The following SLC24A2 variants were observed in gnomAD, a reference collection of about 807,000 sequenced individuals.
The protein encoded by SLC24A2 is sodium/potassium/calcium exchanger 2.
In SLC24A2, 36 loss-of-function variants were observed where a neutral mutation model predicts 62.0. The observed-to-expected ratio is 0.58, with a 90% CI of 0.44 to 0.77. The LOEUF (loss-of-function observed/expected upper bound fraction) is 0.77. Ranked by LOEUF, SLC24A2 falls within the 30% of genes least tolerant of loss-of-function variation. The pLI is 0.00. For missense variants in SLC24A2, 846 were observed against 817.9 expected, an observed-to-expected ratio of 1.03 and a Z score of -0.42; for synonymous variants, 358 against 294.0, an observed-to-expected ratio of 1.22 and a Z score of -2.23.
chr9:19,965,069 G>T, the SLC24A2 span, among the ~76,000 whole-genome samples: 1 of 135,330 alleles, frequency 7.4e-6, no homozygotes. Flanking sequence ...GTGTAAGCCA[G>T]TTCCCTGTGA....
chr9:20,234,663 T>C, the SLC24A2 span, among the ~76,000 whole-genome samples: 1 of 152,198 alleles, frequency 6.6e-6, no homozygotes, highest in Non-Finnish European at 1.5e-5. Flanking sequence ...TTCTTTGCCA[T>C]TGGTTTGAAT....
chr9:19,583,165 C>G (rs926752199), intron 5 of SLC24A2, among the ~76,000 whole-genome samples: 2 of 152,162 alleles, frequency 1.3e-5, no homozygotes, highest in African/African-American at 4.8e-5. Flanking sequence ...TACGCTACCC[C>G]TCTCCTCTCT....
chr9:20,287,991 C>T, the SLC24A2 span, among the ~76,000 whole-genome samples: 2 of 150,906 alleles, frequency 1.3e-5, no homozygotes, highest in African/African-American at 4.9e-5. Context: ...AATTTGATAA[C>T]ACTTTCTCTT....
At chr9:19,707,672 G>A (rs560030743) in intron 2 of SLC24A2, among the ~76,000 whole-genome samples, 1 of 152,276 alleles carries the variant, frequency 6.6e-6, no homozygotes, top group Non-Finnish European at 1.5e-5. Context: ...TATCTCAATA[G>A]ATGCAGAAAA....
At chr9:19,982,142 G>C in the SLC24A2 span, among the ~76,000 whole-genome samples, 2 of 152,152 alleles carry the variant, frequency 1.3e-5, no homozygotes, top group Admixed American at 6.5e-5. Context: ...GGTGATACTT[G>C]AGGAAATGTT....
chr9:20,125,981 A>C, the SLC24A2 span, among the ~76,000 whole-genome samples: 2 of 152,132 alleles, frequency 1.3e-5, no homozygotes, highest in Non-Finnish European at 2.9e-5. Flanking sequence ...GCTAGTCAAG[A>C]CTGTTTTTCC....
At chr9:20,047,653 CGCCT>C in the SLC24A2 span, among the ~76,000 whole-genome samples, 1 of 143,528 alleles carries the variant, frequency 7.0e-6, no homozygotes, top group Non-Finnish European at 1.6e-5. Context: ...CATGGAGGGC[CGCCT>C]TCTCATTGTA....
At chr9:19,824,284 G>C in the SLC24A2 span, among the ~76,000 whole-genome samples, 1 of 151,870 alleles carries the variant, frequency 6.6e-6, no homozygotes, top group Non-Finnish European at 1.5e-5. Flanking sequence ...TCTGACAAAG[G>C]GCTAATATCC....
At chr9:19,985,828 G>A in the SLC24A2 span, among the ~76,000 whole-genome samples, 7 of 151,990 alleles carry the variant, frequency 4.6e-5, no homozygotes, top group Non-Finnish European at 1.0e-4. Flanking sequence ...AAAACTCTTG[G>A]GAAAATAGGG....
intron 2 of SLC24A2, among the ~76,000 whole-genome samples, chr9:19,740,419 T>C (rs1216151130): frequency 6.6e-6 from 1 of 152,244 alleles, no homozygotes; most frequent in Non-Finnish European, 1.5e-5. Context: ...TATGGCTATA[T>C]GCAACAACAT....
the SLC24A2 span, among the ~76,000 whole-genome samples, chr9:20,027,977 G>A: frequency 6.6e-6 from 1 of 152,156 alleles, no homozygotes; most frequent in East Asian, 1.9e-4. Context: ...GCAGTTGGTT[G>A]TCGTTAAATA....
Position 19,516,401 on chromosome 9 carries a change from G to A in SLC24A2, c.1738C>T (p.Leu580Phe). 7 of 1,613,648 alleles carry A rather than the reference G, an allele frequency of 4.3e-6. No homozygotes were observed. The highest frequency in any genetic ancestry group is 5.9e-6 in the Non-Finnish European group (7 of 1,179,926). ...GTGTACAGGAGCCAGGGCAGTGGGA[G>A]CCTGTGCAGAAGTGAAGCAGGGCAG... ...GSNIFDITVG[L>F]PLPWLLYTVI... Residue 580 changes from leucine to phenylalanine, a missense_variant and splice_region_variant, in exon 11 of 11, where the codon CTC (leucine) becomes TTC (phenylalanine). Leu to Phe is a conservative substitution (Grantham distance 22, BLOSUM62 0). Transcript: ENST00000341998.
At chr9:20,290,682 A>G in the SLC24A2 span, among the ~76,000 whole-genome samples, 2 of 152,182 alleles carry the variant, frequency 1.3e-5, no homozygotes, top group Non-Finnish European at 2.9e-5. Flanking sequence ...ATCGTTTTTG[A>G]TGCTACAGAG....
chr9:19,891,979 C>T, the SLC24A2 span, among the ~76,000 whole-genome samples: 1 of 152,098 alleles, frequency 6.6e-6, no homozygotes, highest in African/African-American at 2.4e-5. Flanking sequence ...AATAAGCTGC[C>T]TTTTTCAAAC....
chr9:19,532,470 T>C (rs1489394312), intron 8 of SLC24A2, among the ~76,000 whole-genome samples: 6 of 152,326 alleles, frequency 3.9e-5, no homozygotes, highest in East Asian at 1.9e-4. Context: ...AGTTGTTAAA[T>C]TGTATTGTTT....
At chr9:19,842,219 T>A in the SLC24A2 span, among the ~76,000 whole-genome samples, 1 of 152,188 alleles carries the variant, frequency 6.6e-6, no homozygotes, top group African/African-American at 2.4e-5. Flanking sequence ...GCCCTATCCA[T>A]CATCATGGAT....
At chr9:20,062,945 C>T in the SLC24A2 span, among the ~76,000 whole-genome samples, 1 of 117,168 alleles carries the variant, frequency 8.5e-6, no homozygotes, top group South Asian at 3.1e-4. Flanking sequence ...CAATGAGATA[C>T]CATCTCACAC....
the SLC24A2 span, among the ~76,000 whole-genome samples, chr9:20,244,360 A>G: frequency 1.3e-5 from 2 of 152,178 alleles, no homozygotes; most frequent in Admixed American, 1.3e-4. Context: ...GAAGGAGGGA[A>G]CATTATCAGA....
the SLC24A2 span, among the ~76,000 whole-genome samples, chr9:20,001,807 G>A: frequency 1.3e-5 from 2 of 152,244 alleles, no homozygotes; most frequent in African/African-American, 4.8e-5. Context: ...GCTTCACAAA[G>A]CAACACCTAC....
Sources: allele counts gnomAD v4.1 joint callset (sites outside exome capture counted in the v4.1 genomes callset), GRCh38; gene constraint gnomAD v4.1.1; transcripts MANE v1.5; gene names NCBI Gene and HGNC (gene_info 2026-07-23, HGNC 2026-07-21).